The following CNNM4 variants were observed in gnomAD, a reference collection of about 807,000 sequenced individuals.
CNNM4 encodes cyclin and CBS domain divalent metal cation transport mediator 4.
A neutral mutation model predicts 53.7 loss-of-function variants in CNNM4; 32 were observed. The ratio of observed to expected loss-of-function variants is 0.60; its 90% CI spans 0.45 to 0.80. The LOEUF (loss-of-function observed/expected upper bound fraction) is 0.80, where lower values mean the gene tolerates loss of function less well. CNNM4 is among the 30% of genes least tolerant of loss of function. The pLI, the probability that CNNM4 is intolerant of heterozygous loss-of-function variation, is 0.00. For synonymous variants in CNNM4, 410 were observed against 440.0 expected (o/e 0.93, Z 0.85); for missense variants, 784 against 1,022.0 (o/e 0.77, Z 3.17).
chr2:96,801,210 A>C lies in CNNM4; in HGVS notation c.1948+1562A>C. 5.0e-6 allele frequency: 4 copies of C among 799,238 alleles called. No individual in the cohort carries two copies. Among genetic ancestry groups the C allele is most frequent in the South Asian group, 5.7e-5 (1 of 17,566 alleles). 49.5% of individuals were successfully genotyped at this position (799,238 alleles called of 1,614,324 possible). A position where few individuals can be genotyped will look rare whatever the true frequency, so the allele number is the denominator to read the frequency against. ...ACACTGCAGCTGCATTAACCTCCCC[A>C]CATGGACCCGGACCCCCGCCTGCTC... On this transcript the variant is annotated intron_variant, in intron 5 of 6. Coordinates refer to ENST00000377075, the MANE Select transcript of CNNM4 (RefSeq NM_020184.4). This position sits in a 1 kb window ranked among gnomAD's most constrained non-coding sequence, Gnocchi z 5.6.
At position 96,808,805 on chromosome 2, in the gene CNNM4, T is replaced by G; in HGVS notation, c.2130+63T>G. 2 of 1,545,204 alleles carry G rather than the reference T, an allele frequency of 1.3e-6. No individual in the cohort carries two copies. Reference sequence around the variant, plus strand: ...TCTGCTCAGGAATCAGCTACTACTTTCATCCACCAAACCCAGCATGGTGGG... The same window carrying G: ...TCTGCTCAGGAATCAGCTACTACTTGCATCCACCAAACCCAGCATGGTGGG... On this transcript the variant is annotated intron_variant, in intron 6 of 6. Transcript: ENST00000377075. This position sits in a 1 kb window ranked among gnomAD's most constrained non-coding sequence, Gnocchi z 4.9.
At chr2:96,795,606 G>A (rs552965114) in intron 1 of CNNM4, among the ~76,000 whole-genome samples, 9 of 151,920 alleles carry the variant, frequency 5.9e-5, no homozygotes, top group Non-Finnish European at 1.3e-4. Context: ...ATCTTGGGCT[G>A]GGGGATTTTC....
intron 1 of CNNM4, among the ~76,000 whole-genome samples, chr2:96,765,074 GAAAC>G (rs1190049935): frequency 2.2e-4 from 20 of 92,480 alleles, no homozygotes; most frequent in African/African-American, 7.2e-4. Context: ...TTTGCTAAGA[GAAAC>G]AAGTGAGCAA....
intron 5 of CNNM4, among the ~76,000 whole-genome samples, chr2:96,802,750 T>C (rs1184017809): frequency 6.6e-6 from 1 of 152,226 alleles, no homozygotes; most frequent in African/African-American, 2.4e-5. Flanking sequence ...AACCAGAAAG[T>C]CTTTCAGGAA....
intron 1 of CNNM4, among the ~76,000 whole-genome samples, chr2:96,769,891 TGA>T (rs2078853792): frequency 6.6e-6 from 1 of 152,218 alleles, no homozygotes; most frequent in South Asian, 2.1e-4. Context: ...CAGGTGTATC[TGA>T]GAGTGACAGG....
intron 1 of CNNM4, among the ~76,000 whole-genome samples, chr2:96,775,060 G>A (rs2078912731): frequency 7.1e-6 from 1 of 140,272 alleles, no homozygotes; most frequent in Non-Finnish European, 1.5e-5. Context: ...TGTACTGTCA[G>A]TTTTAGATTT....
chr2:96,805,411 CT>C (rs2079192347), intron 5 of CNNM4, among the ~76,000 whole-genome samples: 1 of 58,650 alleles, frequency 1.7e-5, no homozygotes, highest in Non-Finnish European at 3.8e-5. Context: ...ACCCTGGCTT[CT>C]TTTCAGTTTT....
chr2:96,807,560 C>CA (rs1170779326), intron 5 of CNNM4, among the ~76,000 whole-genome samples: 1 of 151,464 alleles, frequency 6.6e-6, no homozygotes, highest in Non-Finnish European at 1.5e-5. Flanking sequence ...AAAACAAAAC[C>CA]AAAAAAACAA....
At position 96,801,087 on chromosome 2, in the gene CNNM4, T is replaced by A. The variant is rs962681596; in HGVS notation, c.1948+1439T>A. 2.0e-6 allele frequency: 2 copies of A among 985,230 alleles called. No individual in the cohort carries two copies. The highest frequency in any genetic ancestry group is 6.1e-5 in the Admixed American group (1 of 16,262). The allele number at this position is 985,230 out of a possible 1,614,324, so 61.0% of individuals were successfully genotyped here. A position where few individuals can be genotyped will look rare whatever the true frequency, so the allele number is the denominator to read the frequency against. On this transcript the variant is annotated intron_variant, in intron 5 of 6. Transcript: ENST00000377075. The surrounding 1 kb of genome is among the most constrained non-coding windows in gnomAD (Gnocchi z 5.6). The stretch of plus-strand genomic sequence containing the variant: ...TTTGCTCCAGTGCCTTCAGTCCAGG[T>A]CGGGTGTCCGCCTGGCAAGCGGAAC...
Position 96,797,775 on chromosome 2 carries a change from C to T in CNNM4, c.1681+128C>T, listed in dbSNP as rs1157834467. 5.3e-6 allele frequency: 7 copies of T among 1,311,882 alleles called. No homozygotes were observed. The highest frequency in any genetic ancestry group is 7.4e-6 in the Non-Finnish European group (7 of 940,900). 81.3% of individuals were successfully genotyped at this position (1,311,882 alleles called of 1,614,324 possible). On this transcript the variant is annotated intron_variant, in intron 3 of 6. Transcript: ENST00000377075. This position sits in a 1 kb window ranked among gnomAD's most constrained non-coding sequence, Gnocchi z 6.0. ...GTGAGGGGTGCAGAGACAACACAGC[C>T]ACCCCTGGAAGGGGCCGGGTATCTG...
intron 1 of CNNM4, among the ~76,000 whole-genome samples, chr2:96,769,018 G>A (rs978804683): frequency 2.0e-5 from 3 of 152,244 alleles, no homozygotes; most frequent in East Asian, 1.9e-4. Flanking sequence ...TTGGGAGGCC[G>A]AGGCGGGCGG....
intron 5 of CNNM4, among the ~76,000 whole-genome samples, chr2:96,806,529 ACACACACG>A (rs1433840089): frequency 4.9e-5 from 7 of 142,278 alleles, no homozygotes; most frequent in Admixed American, 2.1e-4. Context: ...ACACACACAC[ACACACACG>A]CGCGCGCGCG....
At chr2:96,794,183 A>G (rs7608661) in intron 1 of CNNM4, among the ~76,000 whole-genome samples, 69,186 of 151,998 alleles carry the variant, frequency 0.46, 17,112 homozygotes, top group African/African-American at 0.65. Context: ...GGCAGTAAAA[A>G]GCACAGAGGG....
At chr2:96,795,496 C>A (rs935490228) in intron 1 of CNNM4, among the ~76,000 whole-genome samples, 2 of 152,158 alleles carry the variant, frequency 1.3e-5, no homozygotes, top group African/African-American at 4.8e-5. Flanking sequence ...TACCCCCCCC[C>A]CCATCACATG....
In CNNM4 at chr2:96,808,875, C is replaced by T; in HGVS notation, c.2130+133C>T. The T allele has an allele frequency of 1.1e-6, 1 of 922,716 alleles. No homozygotes were observed. The highest frequency in any genetic ancestry group is 1.4e-5 in the South Asian group (1 of 70,788). The allele number at this position is 922,716 out of a possible 1,614,324, so 57.2% of individuals were successfully genotyped here. On this transcript the variant is annotated intron_variant, in intron 6 of 6. Coordinates refer to ENST00000377075, the MANE Select transcript of CNNM4 (RefSeq NM_020184.4). The surrounding 1 kb of genome is among the most constrained non-coding windows in gnomAD (Gnocchi z 4.9). ...TTTCTTCTGGAGATGGGGTCTTGCTCTGTCGCCCAGGCTGGAATGCAGTGG... is the reference window on the plus strand; with the variant it reads ...TTTCTTCTGGAGATGGGGTCTTGCTTTGTCGCCCAGGCTGGAATGCAGTGG...
intron 1 of CNNM4, among the ~76,000 whole-genome samples, chr2:96,791,461 G>A (rs973790526): frequency 5.3e-5 from 8 of 151,410 alleles, no homozygotes; most frequent in East Asian, 2.0e-4. Context: ...GTGAAATTCC[G>A]TCTCTACTAA....
In CNNM4 at chr2:96,767,141, C is replaced by T. The variant is rs373930802; in HGVS notation, c.1402+4740C>T. 8.5e-5 allele frequency among the ~76,000 whole-genome samples: 13 copies of T among 152,176 alleles called. No homozygotes were observed. The East Asian group carries it at 1.5e-3, about 18-fold the overall frequency. ...GGGGCATCGATGCAGAGGTAGGGGCCGAGTGTCCCTAGGAGTAAGGCAGGG... is the reference window on the plus strand; with the variant it reads ...GGGGCATCGATGCAGAGGTAGGGGCTGAGTGTCCCTAGGAGTAAGGCAGGG... On this transcript the variant is annotated intron_variant, in intron 1 of 6. Transcript: ENST00000377075.
chr2:96,770,213 T>C lies in CNNM4; in HGVS notation c.1402+7812T>C, dbSNP rs565177287. 9.2e-5 allele frequency among the ~76,000 whole-genome samples: 14 copies of C among 152,352 alleles called. No individual in the cohort carries two copies. In the South Asian group the frequency reaches 2.7e-3, roughly 29 times the overall value. On this transcript the variant is annotated intron_variant, in intron 1 of 6. Coordinates refer to ENST00000377075, the MANE Select transcript of CNNM4 (RefSeq NM_020184.4). ...GCAATGCTGTGCATCGAGGCCCTGA[T>C]AGGTTCTTAGTTATTCTGGTGTTTA...
In CNNM4 at chr2:96,761,634, T is replaced by C; in HGVS notation, c.635T>C (p.Met212Thr). 1.9e-6 allele frequency: 3 copies of C among 1,613,750 alleles called. No homozygotes were observed. Among genetic ancestry groups the C allele is most frequent in the Non-Finnish European group, 2.5e-6 (3 of 1,180,006 alleles). ...CTCGGGCTTATGGCCCTGGACCCCA[T>C]GGAGCTGCGCATCGTGCAGAACTGT... ...LNLGLMALDP[M>T]ELRIVQNCGT... is the part of the protein sequence containing the mutation. Residue 212 changes from methionine to threonine, a missense_variant, in exon 1 of 7, where the codon ATG (methionine) becomes ACG (threonine). By Grantham distance (81) the Met-to-Thr change is moderately conservative (BLOSUM62 -1). This residue lies in a region of CNNM4 where 473 missense variants were observed against 624.6 expected (regional missense o/e 0.76). Coordinates refer to ENST00000377075, the MANE Select transcript of CNNM4 (RefSeq NM_020184.4). This position sits in a 1 kb window ranked among gnomAD's most constrained non-coding sequence, Gnocchi z 6.0.
Sources: gnomAD v4.1 joint callset for allele counts (sites outside exome capture counted in the v4.1 genomes callset) on GRCh38, gnomAD v4.1.1 for gene constraint, gnomAD v4.1.1 regional missense constraint, Gnocchi (gnomAD v3.1) non-coding constraint, MANE v1.5 for transcripts, NCBI Gene and HGNC (gene_info 2026-07-23, HGNC 2026-07-21) for gene names.